DTX2: variants seen among roughly 807,000 people sequenced by gnomAD.
The protein encoded by DTX2 is deltex E3 ubiquitin ligase 2.
In DTX2, 29 loss-of-function variants were observed where a neutral mutation model predicts 55.3. That is an observed-to-expected ratio of 0.52 (90% CI 0.39 to 0.71). The LOEUF is 0.71. Among genes scored for constraint, DTX2 ranks in the 30% least tolerant of loss-of-function variants. DTX2 has a pLI of 0.00. For missense variants in DTX2, 537 were observed against 822.5 expected (o/e 0.65, Z 4.25); for synonymous variants, 276 against 340.4 (o/e 0.81, Z 2.08).
At chr7:76,476,602 C>G (rs1438687060) in intron 2 of DTX2, among the ~76,000 whole-genome samples, 2 of 149,368 alleles carry the variant, frequency 1.3e-5, no homozygotes, top group Non-Finnish European at 3.0e-5. Context: ...CCGTCTCTGG[C>G]AAGCTGTGGG....
chr7:76,468,080 G>A (rs574188604), intron 2 of DTX2, among the ~76,000 whole-genome samples: 1 of 152,410 alleles, frequency 6.6e-6, no homozygotes, highest in East Asian at 1.9e-4. Context: ...GAGAGGAGGG[G>A]AGGAGGGGAG....
At position 76,480,423 on chromosome 7, in the gene DTX2, C is replaced by T. The variant is rs926604673; in HGVS notation, c.-87C>T. 1.1e-5 allele frequency: 15 copies of T among 1,374,718 alleles called. No homozygotes were observed. The African/African-American group carries it at 1.3e-4, about 12-fold the overall frequency. 85.2% of individuals were successfully genotyped at this position (1,374,718 alleles called of 1,614,324 possible). A position where few individuals can be genotyped will look rare whatever the true frequency, so the allele number is the denominator to read the frequency against. Reference sequence around the variant, plus strand: ...GCTCATGTCTGTCCTGTTCACAGATCTGCCGGAGGCGCTGGGCAATGACCC... The same window carrying T: ...GCTCATGTCTGTCCTGTTCACAGATTTGCCGGAGGCGCTGGGCAATGACCC... On this transcript the variant is annotated splice_region_variant and 5_prime_UTR_variant, in exon 3 of 11. Coordinates refer to ENST00000430490, the MANE Select transcript of DTX2 (RefSeq NM_001102594.3).
rs571968762 is a variant in DTX2, at chr7:76,501,076, C to T, written c.1230+556C>T. Among the ~76,000 whole-genome samples the T allele has an allele frequency of 2.6e-5, 4 of 151,506 alleles. No homozygotes were observed. In the East Asian group the frequency reaches 7.8e-4, roughly 30 times the overall value. On this transcript the variant is annotated intron_variant, in intron 7 of 10. Coordinates refer to ENST00000430490, the MANE Select transcript of DTX2 (RefSeq NM_001102594.3). ...CGCTTCCATAGAACCTGAACCTCTA[C>T]TGAGCCACGTTTTGGGGGCTGCAGC...
chr7:76,466,690 C>T (rs1343932268), intron 2 of DTX2, among the ~76,000 whole-genome samples: 4 of 152,222 alleles, frequency 2.6e-5, no homozygotes, highest in Admixed American at 6.5e-5. Flanking sequence ...CTCCCGGGTT[C>T]AAGCTACTCC....
chr7:76,503,570 A>G lies in DTX2; in HGVS notation c.1534A>G (p.Ile512Val). ...DCGTILIVYS[I>V]PHGIQGPEHP... ...CGGGACCATCCTCATAGTTTACAGC[A>G]TTCCCCATGGTATCCAGGTGAGGGG... The change falls in exon 9 of 11, where the codon ATT (isoleucine) becomes GTT (valine). Residue 512 changes from isoleucine (I) to valine (V), a missense_variant. Coordinates refer to ENST00000430490, the MANE Select transcript of DTX2 (RefSeq NM_001102594.3). 6.2e-7 allele frequency: 1 copy of G among 1,611,636 alleles called. No homozygotes were observed. The highest frequency in any genetic ancestry group is 1.7e-5 in the Admixed American group (1 of 59,922).
chr7:76,491,231 C>T (rs1212959103), intron 4 of DTX2, among the ~76,000 whole-genome samples: 1 of 151,222 alleles, frequency 6.6e-6, no homozygotes, highest in African/African-American at 2.4e-5. Context: ...CTCCTGACCT[C>T]GCGATCCACC....
intron 2 of DTX2, among the ~76,000 whole-genome samples, chr7:76,476,771 C>A (rs367959879): frequency 1.4e-4 from 21 of 151,588 alleles, no homozygotes; most frequent in African/African-American, 4.8e-4. Context: ...TCAAAGGTGG[C>A]GGGCTTGGTG....
intron 7 of DTX2, among the ~76,000 whole-genome samples, chr7:76,500,831 C>G (rs999295310): frequency 1.3e-5 from 2 of 152,114 alleles, no homozygotes; most frequent in Non-Finnish European, 2.9e-5. Flanking sequence ...GCCCCACTCT[C>G]CACCTTGCGG....
chr7:76,482,636 G>A lies in DTX2; in HGVS notation c.397G>A (p.Glu133Lys), dbSNP rs1809379085. The A allele has an allele frequency of 6.2e-7, 1 of 1,613,734 alleles. No homozygotes were observed. Among genetic ancestry groups the A allele is most frequent in the Admixed American group, 1.7e-5 (1 of 59,988 alleles). Reference protein sequence around the residue: ...AYEASVCDYLEQQVARGNQLV... With the variant: ...AYEASVCDYLKQQVARGNQLV... ...TGAAGCCAGCGTCTGTGACTATCTG[G>A]AGCAGCAGGTGGCCAGGGGCAACCA... Residue 133 changes from glutamate (E) to lysine (K), a missense_variant, in exon 4 of 11, where the codon GAG becomes AAG. Around this residue, in one of 7 missense-constraint regions of DTX2, gnomAD observed 301 missense variants for 396.6 expected, o/e 0.76. Coordinates refer to ENST00000430490, the MANE Select transcript of DTX2 (RefSeq NM_001102594.3).
At position 76,480,793 on chromosome 7, in the gene DTX2, C is replaced by T; in HGVS notation, c.268+16C>T. The T allele has an allele frequency of 6.4e-7, 1 of 1,572,596 alleles. No individual in the cohort carries two copies. Among genetic ancestry groups the T allele is most frequent in the South Asian group, 1.2e-5 (1 of 84,686 alleles). Reference sequence around the variant, plus strand: ...CAGGACACCGGTAAGACGCTGTCTGCCTCTCGCACATATCTGGGTGCCGCA... The same window carrying T: ...CAGGACACCGGTAAGACGCTGTCTGTCTCTCGCACATATCTGGGTGCCGCA... On this transcript the variant is annotated intron_variant, in intron 3 of 10. Transcript: ENST00000430490.
At chr7:76,478,155 C>T (rs1808753223) in intron 2 of DTX2, 1 of 146,142 alleles carries the variant, frequency 6.8e-6, no homozygotes, top group Non-Finnish European at 1.5e-5. Flanking sequence ...CCCGAGCATA[C>T]ACATCATATT....
intron 4 of DTX2, among the ~76,000 whole-genome samples, chr7:76,487,117 G>A (rs1810010630): frequency 1.4e-5 from 1 of 69,892 alleles, no homozygotes; most frequent in Non-Finnish European, 2.8e-5. Flanking sequence ...GAGTGAAGTG[G>A]TGTGATCGTG....
At chr7:76,473,919 C>CTTT (rs1171335307) in intron 2 of DTX2, among the ~76,000 whole-genome samples, 1 of 83,326 alleles carries the variant, frequency 1.2e-5, no homozygotes, top group Non-Finnish European at 2.4e-5. Context: ...CTGTGTTTCA[C>CTTT]TTTTTTTTTT....
chr7:76,465,127 G>C (rs1328319839), intron 2 of DTX2, among the ~76,000 whole-genome samples: 2 of 148,202 alleles, frequency 1.3e-5, no homozygotes, highest in Non-Finnish European at 2.9e-5. Context: ...TTTGCTTTCT[G>C]CTGGGCACAT....
intron 4 of DTX2, among the ~76,000 whole-genome samples, chr7:76,483,685 G>A (rs984157768): frequency 4.0e-5 from 6 of 151,078 alleles, no homozygotes; most frequent in African/African-American, 1.2e-4. Context: ...AGAGTGCCTG[G>A]TAGAGCGCTC....
In DTX2 at chr7:76,464,454, T is replaced by C. The variant is rs1159522290; in HGVS notation, c.-90+745T>C. 2.8e-5 allele frequency among the ~76,000 whole-genome samples: 4 copies of C among 141,424 alleles called. No homozygotes were observed. The South Asian group carries it at 6.7e-4, about 24-fold the overall frequency. The allele number at this position is 141,424 out of a possible 152,430, so 92.8% of individuals were successfully genotyped here. A position where few individuals can be genotyped will look rare whatever the true frequency, so the allele number is the denominator to read the frequency against. ...TCATTTTATTAATTATTTTTTTGAGTTGGGGTCTGCTTCTGCTGCCCAGGC... is the reference window on the plus strand; with the variant it reads ...TCATTTTATTAATTATTTTTTTGAGCTGGGGTCTGCTTCTGCTGCCCAGGC... On this transcript the variant is annotated intron_variant, in intron 2 of 10. Coordinates refer to ENST00000430490, the MANE Select transcript of DTX2 (RefSeq NM_001102594.3).
intron 5 of DTX2, among the ~76,000 whole-genome samples, chr7:76,495,906 G>A (rs1258876971): frequency 7.2e-5 from 8 of 110,348 alleles, no homozygotes; most frequent in South Asian, 6.6e-4. Flanking sequence ...CCTCCCAGAC[G>A]ACGTGGGCAG....
At chr7:76,466,646 C>T (rs1310042789) in intron 2 of DTX2, among the ~76,000 whole-genome samples, 4 of 151,836 alleles carry the variant, frequency 2.6e-5, no homozygotes, top group South Asian at 4.2e-4. Context: ...GGCTGGAGTG[C>T]AATGGCACGA....
chr7:76,481,218 G>A (rs1320938595), intron 3 of DTX2, among the ~76,000 whole-genome samples: 4 of 151,452 alleles, frequency 2.6e-5, no homozygotes, highest in Non-Finnish European at 4.4e-5. Context: ...ACGGAGTCTG[G>A]CTCTGTTGCC....
Sources: allele counts gnomAD v4.1 joint callset (sites outside exome capture counted in the v4.1 genomes callset), GRCh38; gene constraint gnomAD v4.1.1; regional missense constraint gnomAD v4.1.1; transcripts MANE v1.5; gene names NCBI Gene and HGNC (gene_info 2026-07-23, HGNC 2026-07-21).